Variants in TBC1D32 observed in about 807,000 individuals in gnomAD.
TBC1D32 encodes TBC1 domain family member 32, also known as protein broad-minded.
A neutral mutation model predicts 170.3 loss-of-function variants in TBC1D32; 151 were observed. The ratio of observed to expected loss-of-function variants is 0.89; its 90% CI spans 0.78 to 1.01. The LOEUF (loss-of-function observed/expected upper bound fraction) is 1.01, where lower values mean the gene tolerates loss of function less well. Ranked by LOEUF, TBC1D32 falls within the 50% of genes least tolerant of loss-of-function variation. The pLI, the probability that TBC1D32 is intolerant of heterozygous loss-of-function variation, is 0.00. For synonymous variants in TBC1D32, 498 were observed against 488.0 expected (o/e 1.02, Z -0.27); for missense variants, 1,464 against 1,457.1 (o/e 1.00, Z -0.08).
chr6:121,093,804 C>T (rs6905696), intron 30 of TBC1D32, among the ~76,000 whole-genome samples: 29,233 of 151,654 alleles, frequency 0.19, 3,883 homozygotes, highest in African/African-American at 0.36. Context: ...AGGGAAATTT[C>T]GAGGAGGAAA....
rs11968356 is a variant in TBC1D32 at position 121,223,554 on chromosome 6, G to C, written c.2365-202C>G. On this transcript the variant is annotated intron_variant, in intron 20 of 31. Transcript: ENST00000398212. ...AATAATCTATAAGCTGACAATGCAT[G>C]ATGTAACAACCATTACATACATACA... 1.1e-3 allele frequency among the ~76,000 whole-genome samples: 174 copies of C among 152,252 alleles called. 1 individual carries two copies. The highest frequency in any genetic ancestry group is 4.1e-3 in the African/African-American group (171 of 41,554).
chr6:121,185,563 T>G (rs1024659407), intron 22 of TBC1D32, among the ~76,000 whole-genome samples: 1 of 152,100 alleles, frequency 6.6e-6, no homozygotes, highest in African/African-American at 2.4e-5. Flanking sequence ...AACATCCAGA[T>G]TGCCATAGGC....
chr6:121,303,570 A>G, intron 9 of TBC1D32, 47 bp downstream of exon 9: 1 of 1,377,740 alleles, frequency 7.3e-7, no homozygotes, highest in Non-Finnish European at 9.7e-7. Flanking sequence ...TATTAAAATG[A>G]TATAGCAATG....
At chr6:121,206,831 G>T (rs962852073) in intron 21 of TBC1D32, among the ~76,000 whole-genome samples, 2 of 152,104 alleles carry the variant, frequency 1.3e-5, no homozygotes, top group African/African-American at 4.8e-5. Flanking sequence ...CATTACAATA[G>T]AATGTGAGCT....
At chr6:121,086,936 G>A (rs1485105729) in intron 31 of TBC1D32, among the ~76,000 whole-genome samples, 1 of 152,174 alleles carries the variant, frequency 6.6e-6, no homozygotes, top group Non-Finnish European at 1.5e-5. Context: ...TTACTTTGTT[G>A]GATGTTTTTC....
At chr6:121,085,276 C>T (rs1019606578) in intron 31 of TBC1D32, among the ~76,000 whole-genome samples, 4 of 116,726 alleles carry the variant, frequency 3.4e-5, no homozygotes, top group South Asian at 2.4e-4. Flanking sequence ...TACATATATA[C>T]GTATATATAT....
intron 30 of TBC1D32, 119 bp downstream of exon 30, chr6:121,105,904 G>T (rs935671560): frequency 1.7e-6 from 2 of 1,150,956 alleles, no homozygotes; most frequent in African/African-American, 1.6e-5. Context: ...AAGCTAGCTT[G>T]AGGATTTTAA....
intron 22 of TBC1D32, among the ~76,000 whole-genome samples, chr6:121,169,516 A>C (rs1583053106): frequency 6.6e-6 from 1 of 152,184 alleles, no homozygotes; most frequent in Non-Finnish European, 1.5e-5. Flanking sequence ...TTAATTAAAG[A>C]ATACTTTCCT....
At chr6:121,229,649 C>G (rs1218801838) in intron 20 of TBC1D32, among the ~76,000 whole-genome samples, 1 of 152,054 alleles carries the variant, frequency 6.6e-6, no homozygotes, top group Non-Finnish European at 1.5e-5. Flanking sequence ...AATTAATTCT[C>G]GCAGACTGCA....
At chr6:121,223,178 C>T in intron 21 of TBC1D32, 58 bp downstream of exon 21, 1 of 1,124,082 alleles carries the variant, frequency 8.9e-7, no homozygotes, top group South Asian at 1.6e-5. Context: ...TACCTTTTTA[C>T]TACCAATCTC....
At chr6:121,291,076 C>G (rs1300542912) in intron 12 of TBC1D32, among the ~76,000 whole-genome samples, 1 of 151,848 alleles carries the variant, frequency 6.6e-6, no homozygotes, top group Non-Finnish European at 1.5e-5. Flanking sequence ...GTGCAGTTTA[C>G]CAACATGGCA....
At chr6:121,228,229 G>T (rs1405520806) in intron 20 of TBC1D32, among the ~76,000 whole-genome samples, 1 of 151,736 alleles carries the variant, frequency 6.6e-6, no homozygotes, top group African/African-American at 2.4e-5. Context: ...AATCACATTT[G>T]GATTTGTTAT....
chr6:121,286,798 G>A (rs1319995829), intron 12 of TBC1D32, among the ~76,000 whole-genome samples: 1 of 152,342 alleles, frequency 6.6e-6, no homozygotes, highest in Middle Eastern at 3.4e-3. Flanking sequence ...ACTAACAGTT[G>A]ATCTCTCAGC....
intron 22 of TBC1D32, among the ~76,000 whole-genome samples, chr6:121,173,165 A>G (rs1198491067): frequency 6.6e-6 from 1 of 152,182 alleles, no homozygotes; most frequent in Non-Finnish European, 1.5e-5. Context: ...CCAGAATAAA[A>G]GCAGGTAGAA....
At chr6:121,187,754 CAAAAAAA>C (rs67915120) in intron 22 of TBC1D32, among the ~76,000 whole-genome samples, 2 of 128,664 alleles carry the variant, frequency 1.6e-5, no homozygotes, top group Non-Finnish European at 1.6e-5. Context: ...TGCTCAGGGC[CAAAAAAA>C]AAAAAAAAAA....
At chr6:121,288,419 C>T (rs985928052) in intron 12 of TBC1D32, among the ~76,000 whole-genome samples, 1 of 152,108 alleles carries the variant, frequency 6.6e-6, no homozygotes, top group Non-Finnish European at 1.5e-5. Context: ...TAGATAAATT[C>T]CTCAACACAT....
intron 21 of TBC1D32, among the ~76,000 whole-genome samples, chr6:121,222,085 C>T (rs1794588822): frequency 6.6e-6 from 1 of 152,178 alleles, no homozygotes; most frequent in Non-Finnish European, 1.5e-5. Flanking sequence ...CTGCCATCGA[C>T]AATGAGGTAA....
At chr6:121,331,375 A>ATT (rs5879594) in intron 1 of TBC1D32, among the ~76,000 whole-genome samples, 1 of 139,362 alleles carries the variant, frequency 7.2e-6, no homozygotes, top group African/African-American at 2.6e-5. Flanking sequence ...TGCCCGGCTA[A>ATT]TTTTTTTTTT....
intron 26 of TBC1D32, among the ~76,000 whole-genome samples, chr6:121,123,107 G>T (rs1326989309): frequency 6.6e-6 from 1 of 152,048 alleles, no homozygotes; most frequent in African/African-American, 2.4e-5. Flanking sequence ...AACTTCTCTT[G>T]TTACAGATCT....
Sources: allele counts gnomAD v4.1 joint callset (sites outside exome capture counted in the v4.1 genomes callset), GRCh38; gene constraint gnomAD v4.1.1; transcripts MANE v1.5; gene names NCBI Gene and HGNC (gene_info 2026-07-23, HGNC 2026-07-21).